The following FUT8 variants were observed in gnomAD, a reference collection of about 807,000 sequenced individuals.
The protein encoded by FUT8 is fucosyltransferase 8.
In FUT8, 29 loss-of-function variants were observed where a neutral mutation model predicts 71.3. The ratio of observed to expected loss-of-function variants is 0.41; its 90% confidence interval spans 0.30 to 0.55. The LOEUF is 0.55. Among genes scored for constraint, FUT8 ranks in the 20% least tolerant of loss-of-function variants. The probability of loss-of-function intolerance (pLI) is 0.34; values close to 1 mark genes in which losing one functional copy is unlikely to be tolerated. For synonymous variants in FUT8, 254 were observed against 239.3 expected, an observed-to-expected ratio of 1.06 and a Z score of -0.57; for missense variants, 544 against 702.1, an observed-to-expected ratio of 0.77 and a Z score of 2.55.
intron 8 of FUT8, among the ~76,000 whole-genome samples, chr14:65,723,551 G>T (rs547596040): frequency 6.6e-6 from 1 of 152,114 alleles, no homozygotes; most frequent in Admixed American, 6.5e-5. Context: ...GGCTGGAATC[G>T]GTTTCATTTA....
chr14:65,404,328 C>A, the FUT8 span, among the ~76,000 whole-genome samples: 1 of 151,622 alleles, frequency 6.6e-6, no homozygotes, highest in African/African-American at 2.4e-5. Context: ...CCCACCATAG[C>A]GCCCAGCTAA....
chr14:65,427,208 C>T lies in FUT8; in HGVS notation c.-326+13994C>T, dbSNP rs181071485. Among the ~76,000 whole-genome samples, 13 of 152,242 alleles carry T rather than the reference C, an allele frequency of 8.5e-5. No homozygotes were observed. The South Asian group carries it at 1.2e-3, about 15-fold the overall frequency. ...CCGTTTATCCATTGGTGGACGCTTA[C>T]GTTGACTCCATATCTTAGCTATATG... On this transcript the variant is annotated intron_variant, in intron 1 of 10. Coordinates refer to ENST00000673929, the MANE Select transcript of FUT8 (RefSeq NM_001371533.1).
intron 2 of FUT8, among the ~76,000 whole-genome samples, chr14:65,521,034 A>G (rs1883042603): frequency 1.3e-5 from 2 of 152,132 alleles, no homozygotes; most frequent in South Asian, 4.2e-4. Context: ...CAGTTTAATG[A>G]ATATGATAAT....
At chr14:65,658,818 G>A (rs1410757999) in intron 6 of FUT8, among the ~76,000 whole-genome samples, 3 of 152,054 alleles carry the variant, frequency 2.0e-5, no homozygotes, top group African/African-American at 7.2e-5. Context: ...GGTACAGCTT[G>A]TATCCTAATT....
chr14:65,401,629 G>C, the FUT8 span, among the ~76,000 whole-genome samples: 1 of 152,170 alleles, frequency 6.6e-6, no homozygotes. Flanking sequence ...TGGGCATGGT[G>C]GCTCACACCT....
chr14:65,498,711 C>T (rs1372186128), intron 2 of FUT8, among the ~76,000 whole-genome samples: 1 of 152,184 alleles, frequency 6.6e-6, no homozygotes, highest in Admixed American at 6.6e-5. Flanking sequence ...AGGCTTTTTA[C>T]TGACAGTCTC....
chr14:65,590,552 A>G (rs902730231), intron 3 of FUT8, among the ~76,000 whole-genome samples: 1 of 152,200 alleles, frequency 6.6e-6, no homozygotes, highest in Admixed American at 6.5e-5. Flanking sequence ...AATTGCCTAG[A>G]TGGGAGCCTG....
intron 3 of FUT8, among the ~76,000 whole-genome samples, chr14:65,588,512 A>G (rs758484702): frequency 6.6e-6 from 1 of 152,156 alleles, no homozygotes; most frequent in Non-Finnish European, 1.5e-5. Context: ...CCAGATTGTA[A>G]AATATTTGAG....
At chr14:65,555,416 T>A (rs1885534747) in intron 2 of FUT8, among the ~76,000 whole-genome samples, 1 of 152,196 alleles carries the variant, frequency 6.6e-6, no homozygotes, top group South Asian at 2.1e-4. Context: ...TAATTGTCCT[T>A]TGCAAGCCTC....
intron 6 of FUT8, among the ~76,000 whole-genome samples, chr14:65,654,383 G>A (rs1377635458): frequency 6.6e-6 from 1 of 152,324 alleles, no homozygotes; most frequent in East Asian, 1.9e-4. Context: ...GAGGTCAGGA[G>A]TTGGAGACCA....
chr14:65,464,714 C>T (rs2066016767), intron 2 of FUT8, among the ~76,000 whole-genome samples: 2 of 151,810 alleles, frequency 1.3e-5, no homozygotes, highest in Non-Finnish European at 2.9e-5. Context: ...TCTACTTGGT[C>T]GTGGTGTATA....
At chr14:65,693,300 C>T (rs1231419376) in intron 7 of FUT8, among the ~76,000 whole-genome samples, 1 of 152,270 alleles carries the variant, frequency 6.6e-6, no homozygotes, top group Non-Finnish European at 1.5e-5. Context: ...CGGTTAGGAG[C>T]TGGAGACCAG....
chr14:65,693,378 G>A lies in FUT8; in HGVS notation c.835+23898G>A, dbSNP rs946907670. Among the ~76,000 whole-genome samples, 42 of 152,328 alleles carry A rather than the reference G, an allele frequency of 2.8e-4. 2 individuals are homozygous for A. The highest frequency in any genetic ancestry group is 1.6e-3 in the Admixed American group (25 of 15,312). ...GAAAACCAGTCAGGCGTGGCGGCGC[G>A]CGCCTGCAATCGCAGGCACTCGGCA... is the stretch of plus-strand genomic sequence containing the variant. On this transcript the variant is annotated intron_variant, in intron 7 of 10. Transcript: ENST00000673929.
At chr14:65,549,501 C>A (rs912304039) in intron 2 of FUT8, among the ~76,000 whole-genome samples, 1 of 151,998 alleles carries the variant, frequency 6.6e-6, no homozygotes, top group African/African-American at 2.4e-5. Context: ...TCTATATATA[C>A]CCATGGTTAA....
intron 2 of FUT8, among the ~76,000 whole-genome samples, chr14:65,548,839 G>T (rs925808124): frequency 1.3e-5 from 2 of 152,040 alleles, no homozygotes; most frequent in Non-Finnish European, 2.9e-5. Flanking sequence ...TTTGATAAAA[G>T]ACTTATGTTC....
intron 1 of FUT8, among the ~76,000 whole-genome samples, chr14:65,433,541 G>A (rs1409653804): frequency 6.6e-6 from 1 of 152,178 alleles, no homozygotes; most frequent in Non-Finnish European, 1.5e-5. Flanking sequence ...AGCATGCAAT[G>A]GCAGAATGAC....
rs556541634 is a variant in FUT8, at chr14:65,676,626, C to G, written c.835+7146C>G. Among the ~76,000 whole-genome samples, 492 of 150,840 alleles carry G rather than the reference C, an allele frequency of 3.3e-3. 2 individuals carry two copies. Among genetic ancestry groups the G allele is most frequent in the African/African-American group, 0.011 (467 of 40,920 alleles). ...CCCCTCCTTCCTTCTTCCTTCCCTC[C>G]TTCCCTTCCTTTCTTCCTTTTGTAA... On this transcript the variant is annotated intron_variant, in intron 7 of 10. Transcript: ENST00000673929.
At chr14:65,495,038 C>A (rs2139740372) in intron 2 of FUT8, among the ~76,000 whole-genome samples, 1 of 152,022 alleles carries the variant, frequency 6.6e-6, no homozygotes, top group Admixed American at 6.6e-5. Context: ...ACAGTTCTTA[C>A]TTAGTGTGAA....
At chr14:65,564,677 A>T (rs1198382405) in intron 3 of FUT8, among the ~76,000 whole-genome samples, 2 of 151,948 alleles carry the variant, frequency 1.3e-5, no homozygotes. Context: ...CTTATGGTCA[A>T]ATTCTGTCCT....
Sources: gnomAD v4.1 joint callset for allele counts (sites outside exome capture counted in the v4.1 genomes callset) on GRCh38, gnomAD v4.1.1 for gene constraint, MANE v1.5 for transcripts, NCBI Gene and HGNC (gene_info 2026-07-23, HGNC 2026-07-21) for gene names.